Variants in SLC25A21 observed in about 807,000 individuals in gnomAD.
SLC25A21 encodes mitochondrial 2-oxodicarboxylate carrier.
In SLC25A21, 47 loss-of-function variants were observed where a neutral mutation model predicts 43.8. That is an observed-to-expected ratio of 1.07 (90% CI 0.85 to 1.37). The LOEUF is 1.37. SLC25A21 is among the 40% of genes most tolerant of loss of function. SLC25A21 has a pLI of 0.00. For synonymous variants in SLC25A21, 131 were observed against 121.3 expected (o/e 1.08, Z -0.52); for missense variants, 352 against 350.2 (o/e 1.00, Z -0.04).
At chr14:36,776,916 C>T (rs1886856761) in intron 3 of SLC25A21, among the ~76,000 whole-genome samples, 1 of 152,304 alleles carries the variant, frequency 6.6e-6, no homozygotes, top group East Asian at 1.9e-4. Flanking sequence ...CTTGTTGGCT[C>T]ATGCTTCCTG....
chr14:36,805,472 T>C (rs2138427939), intron 3 of SLC25A21, among the ~76,000 whole-genome samples: 1 of 152,250 alleles, frequency 6.6e-6, no homozygotes, highest in East Asian at 1.9e-4. Context: ...CTCTGAGCAC[T>C]CTGCAAATTC....
Position 36,980,201 on chromosome 14 carries a change from G to A in SLC25A21, c.71-105197C>T, listed in dbSNP as rs774182509. ...ACATCTTTTCCTTCATTTCAACTTTGGTGAATCTGACAAGTATGTGTCTTG... is the reference window on the plus strand; with the variant it reads ...ACATCTTTTCCTTCATTTCAACTTTAGTGAATCTGACAAGTATGTGTCTTG... On this transcript the variant is annotated intron_variant, in intron 1 of 9. Coordinates refer to ENST00000331299, the MANE Select transcript of SLC25A21 (RefSeq NM_030631.4). Among the ~76,000 whole-genome samples, 45 of 152,116 alleles carry A rather than the reference G, an allele frequency of 3.0e-4. 1 individual carries two copies. Among genetic ancestry groups the A allele is most frequent in the Non-Finnish European group, 5.7e-4 (39 of 68,032 alleles).
intron 1 of SLC25A21, among the ~76,000 whole-genome samples, chr14:37,150,394 A>ACAG (rs1447073171): frequency 2.6e-5 from 4 of 152,196 alleles, no homozygotes; most frequent in Non-Finnish European, 5.9e-5. Flanking sequence ...TATTATACAA[A>ACAG]TAAAAACAGT....
chr14:37,023,314 TA>T (rs1961026378), intron 1 of SLC25A21, among the ~76,000 whole-genome samples: 1 of 151,966 alleles, frequency 6.6e-6, no homozygotes. Context: ...TTAAATTTTT[TA>T]AAATGCAAGA....
intron 1 of SLC25A21, among the ~76,000 whole-genome samples, chr14:37,083,938 A>G (rs1052841427): frequency 5.9e-5 from 9 of 152,228 alleles, no homozygotes; most frequent in African/African-American, 2.2e-4. Flanking sequence ...AGCCATCATC[A>G]CCGTTGACTT....
chr14:37,131,733 G>T (rs1963394953), intron 1 of SLC25A21, among the ~76,000 whole-genome samples: 2 of 152,180 alleles, frequency 1.3e-5, no homozygotes, highest in Admixed American at 1.3e-4. Flanking sequence ...GGAATGCAGT[G>T]ATGAAAACAC....
chr14:36,893,228 A>G (rs1891132193), intron 1 of SLC25A21, among the ~76,000 whole-genome samples: 1 of 152,060 alleles, frequency 6.6e-6, no homozygotes, highest in Non-Finnish European at 1.5e-5. Context: ...CTGACTTTTT[A>G]ATGATTGCCA....
chr14:36,753,701 A>G (rs1246751130), intron 3 of SLC25A21, among the ~76,000 whole-genome samples: 2 of 152,224 alleles, frequency 1.3e-5, no homozygotes, highest in East Asian at 3.9e-4. Context: ...AAAATCCACC[A>G]GAAGCAAAGC....
intron 2 of SLC25A21, among the ~76,000 whole-genome samples, chr14:36,853,914 T>C (rs1011335496): frequency 3.3e-5 from 5 of 152,200 alleles, no homozygotes; most frequent in Non-Finnish European, 7.4e-5. Flanking sequence ...CCCTTCTATA[T>C]AAAAGTAGGT....
intron 2 of SLC25A21, among the ~76,000 whole-genome samples, chr14:36,851,658 T>C (rs1352655828): frequency 3.3e-5 from 5 of 152,218 alleles, no homozygotes; most frequent in Non-Finnish European, 4.4e-5. Context: ...TTAGAAAAAC[T>C]GCAAACTATT....
chr14:36,789,817 A>C (rs1294693316), intron 3 of SLC25A21, among the ~76,000 whole-genome samples: 1 of 86,524 alleles, frequency 1.2e-5, no homozygotes, highest in Non-Finnish European at 2.2e-5. Flanking sequence ...TATTATATAT[A>C]ATATATTTTA....
chr14:36,969,281 A>G (rs1223651273), intron 1 of SLC25A21, among the ~76,000 whole-genome samples: 1 of 152,110 alleles, frequency 6.6e-6, no homozygotes, highest in Non-Finnish European at 1.5e-5. Flanking sequence ...CTTTTCCAAG[A>G]GCGGGAACAG....
At chr14:36,716,439 G>A (rs79252887) in intron 6 of SLC25A21, among the ~76,000 whole-genome samples, 130 of 152,302 alleles carry the variant, frequency 8.5e-4, no homozygotes, top group African/African-American at 3.0e-3. Context: ...TAGTCACTAT[G>A]TGAGATGATA....
chr14:36,914,175 T>C (rs1891766260), intron 1 of SLC25A21, among the ~76,000 whole-genome samples: 1 of 152,232 alleles, frequency 6.6e-6, no homozygotes, highest in Non-Finnish European at 1.5e-5. Context: ...AGAATAAATA[T>C]GTGTTTAATT....
chr14:37,012,208 T>C (rs1960748880), intron 1 of SLC25A21, among the ~76,000 whole-genome samples: 1 of 152,218 alleles, frequency 6.6e-6, no homozygotes, highest in South Asian at 2.1e-4. Flanking sequence ...ATATCACCGC[T>C]GAAATTAGAA....
intron 1 of SLC25A21, among the ~76,000 whole-genome samples, chr14:36,992,078 T>C (rs892222682): frequency 3.9e-5 from 6 of 152,214 alleles, no homozygotes; most frequent in Non-Finnish European, 8.8e-5. Context: ...AGTGACTATA[T>C]GTGTGAGGCT....
intron 1 of SLC25A21, among the ~76,000 whole-genome samples, chr14:36,955,918 A>C (rs1031762459): frequency 1.3e-5 from 2 of 152,158 alleles, no homozygotes; most frequent in Non-Finnish European, 2.9e-5. Flanking sequence ...CTGGTCAATA[A>C]ACTTGGTACC....
At chr14:37,078,006 T>G (rs2138834408) in intron 1 of SLC25A21, among the ~76,000 whole-genome samples, 1 of 150,198 alleles carries the variant, frequency 6.7e-6, no homozygotes, top group South Asian at 2.3e-4. Flanking sequence ...CATTTCCTAA[T>G]TTCTTAAAAT....
At chr14:37,003,545 T>C (rs1031097325) in intron 1 of SLC25A21, among the ~76,000 whole-genome samples, 2 of 152,130 alleles carry the variant, frequency 1.3e-5, no homozygotes, top group African/African-American at 4.8e-5. Context: ...TCAACACAAG[T>C]TGGAATATAT....
Sources: gnomAD v4.1 joint callset for allele counts (sites outside exome capture counted in the v4.1 genomes callset) on GRCh38, gnomAD v4.1.1 for gene constraint, MANE v1.5 for transcripts, NCBI Gene and HGNC (gene_info 2026-07-23, HGNC 2026-07-21) for gene names.